The following NAV3 variants were observed in gnomAD, a reference collection of about 807,000 sequenced individuals.
NAV3 encodes pore membrane and/or filament interacting like protein 1.
Under a neutral mutation model 244.7 loss-of-function variants are expected in NAV3, and 87 were observed. The observed-to-expected ratio is 0.36, with a 90% CI of 0.30 to 0.42. The LOEUF is 0.42. Among genes scored for constraint, NAV3 ranks in the 20% least tolerant of loss-of-function variants. NAV3 has a pLI of 1.00. For missense variants in NAV3, 2,663 were observed against 2,893.3 expected, an observed-to-expected ratio of 0.92 and a Z score of 1.83; for synonymous variants, 1,126 against 1,042.2, an observed-to-expected ratio of 1.08 and a Z score of -1.55.
chr12:78,145,709 T>C (rs1956837242), intron 20 of NAV3, among the ~76,000 whole-genome samples: 1 of 152,190 alleles, frequency 6.6e-6, no homozygotes, highest in African/African-American at 2.4e-5. Flanking sequence ...ATAAGCTGCA[T>C]AGCCAAAAAT....
intron 2 of NAV3, among the ~76,000 whole-genome samples, chr12:77,624,299 A>G (rs1485991852): frequency 6.6e-6 from 1 of 152,202 alleles, no homozygotes; most frequent in East Asian, 1.9e-4. Flanking sequence ...TGTGAGAAAC[A>G]GTAGGGGATG....
chr12:77,739,522 ACT>A (rs1868289481), intron 2 of NAV3, among the ~76,000 whole-genome samples: 1 of 152,140 alleles, frequency 6.6e-6, no homozygotes, highest in African/African-American at 2.4e-5. Flanking sequence ...ACATTCATTG[ACT>A]CTGACTGAAC....
chr12:77,790,035 G>A (rs1312422622), intron 2 of NAV3, among the ~76,000 whole-genome samples: 2 of 152,144 alleles, frequency 1.3e-5, no homozygotes, highest in Admixed American at 6.5e-5. Context: ...CTTTTGAGAC[G>A]TGGCAAGTCT....
chr12:77,702,330 C>A (rs145749412), intron 2 of NAV3, among the ~76,000 whole-genome samples: 1 of 151,900 alleles, frequency 6.6e-6, no homozygotes, highest in Non-Finnish European at 1.5e-5. Context: ...TTATTCTCTA[C>A]CTTTCTGTCC....
rs869041498 is a variant in NAV3, at chr12:77,976,674, C to CTT, written c.671+7989_671+7990dup. On this transcript the variant is annotated intron_variant, in intron 5 of 39. Coordinates refer to ENST00000397909, the MANE Select transcript of NAV3 (RefSeq NM_001024383.2). Reference sequence around the variant, plus strand: ...TCTTTCTTTCTTTCTTTCTTTTTTTCTTTTTTTTTTTTTTTTTTGAGACGG... The same window carrying CTT: ...TCTTTCTTTCTTTCTTTCTTTTTTTCTTTTTTTTTTTTTTTTTTTTGAGACGG... Among the ~76,000 whole-genome samples, 170 of 83,426 alleles carry CTT rather than the reference C, an allele frequency of 2.0e-3. 7 individuals are homozygous for CTT. Among genetic ancestry groups the CTT allele is most frequent in the South Asian group, 3.9e-3 (8 of 2,064 alleles). The allele number at this position is 83,426 out of a possible 152,430, so 54.7% of individuals were successfully genotyped here.
At chr12:77,580,409 C>G (rs1869308728) in intron 2 of NAV3, among the ~76,000 whole-genome samples, 1 of 152,140 alleles carries the variant, frequency 6.6e-6, no homozygotes, top group Non-Finnish European at 1.5e-5. Context: ...TCTGCTGGTT[C>G]CCTGGAGAGA....
Position 78,059,208 on chromosome 12 carries a change from C to A in NAV3, c.2636+93C>A, listed in dbSNP as rs892993333. Reference sequence around the variant, plus strand: ...AAAACTCCTATTAAACAGTGTAAATCAAAGGACTTTTTATTTTGATAAATA... The same window carrying A: ...AAAACTCCTATTAAACAGTGTAAATAAAAGGACTTTTTATTTTGATAAATA... On this transcript the variant is annotated intron_variant, in intron 12 of 39. Transcript: ENST00000397909. 7 of 1,101,108 alleles carry A rather than the reference C, an allele frequency of 6.4e-6. No individual in the cohort carries two copies. In the African/African-American group the frequency reaches 8.4e-5, roughly 13 times the overall value. 68.2% of individuals were successfully genotyped at this position (1,101,108 alleles called of 1,614,324 possible). A position where few individuals can be genotyped will look rare whatever the true frequency, so the allele number is the denominator to read the frequency against.
intron 17 of NAV3, among the ~76,000 whole-genome samples, chr12:78,128,241 G>T (rs1034346677): frequency 1.4e-4 from 20 of 145,162 alleles, no homozygotes; most frequent in African/African-American, 4.1e-4. Flanking sequence ...TCAAGTGGCA[G>T]TTTAACAAAA....
Position 78,175,312 on chromosome 12 carries a change from G to A in NAV3, c.4988G>A (p.Arg1663His), listed in dbSNP as rs368252063. Residue 1663 changes from arginine to histidine, a missense_variant, in exon 25 of 40, where the codon CGC becomes CAC. Coordinates refer to ENST00000397909, the MANE Select transcript of NAV3 (RefSeq NM_001024383.2). ...NGPDHPPKDL[R>H]IRRQHSSESV... ...ACTCTCCCTCTATTGCTAGATCTTC[G>A]CATCAGAAGACAGCATTCCTCTGAA... is the stretch of plus-strand genomic sequence containing the variant. The A allele has an allele frequency of 2.8e-5, 45 of 1,610,288 alleles. No homozygotes were observed. Among genetic ancestry groups the A allele is most frequent in the South Asian group, 1.1e-4 (10 of 90,960 alleles).
At chr12:77,616,697 AC>A (rs1871155469) in intron 2 of NAV3, among the ~76,000 whole-genome samples, 1 of 151,742 alleles carries the variant, frequency 6.6e-6, no homozygotes, top group Admixed American at 6.6e-5. Context: ...ACATGCACAC[AC>A]AAAACCTGCT....
At chr12:78,200,653 T>G in intron 38 of NAV3, 62 bp downstream of exon 38, 3 of 984,970 alleles carry the variant, frequency 3.0e-6, no homozygotes, top group Non-Finnish European at 4.3e-6. Context: ...AAAATTACTT[T>G]AAAAGCAAAA....
At chr12:77,702,825 G>C (rs1218952892) in intron 2 of NAV3, among the ~76,000 whole-genome samples, 1 of 51,344 alleles carries the variant, frequency 1.9e-5, no homozygotes, top group African/African-American at 4.0e-5. Flanking sequence ...AAGAAAAATA[G>C]ATAGTATTTT....
intron 1 of NAV3, among the ~76,000 whole-genome samples, chr12:77,851,335 C>T (rs546679467): frequency 6.6e-6 from 1 of 152,116 alleles, no homozygotes; most frequent in African/African-American, 2.4e-5. Context: ...CTATTTGAAC[C>T]TTTATTTACC....
At position 77,691,333 on chromosome 12, in the gene NAV3, G is replaced by GTACATATATA. The variant is rs1214933751; in HGVS notation, c.72+119068_72+119069insACATATATAT. 3.1e-3 allele frequency among the ~76,000 whole-genome samples: 317 copies of GTACATATATA among 100,924 alleles called. 8 individuals carry two copies. Among genetic ancestry groups the GTACATATATA allele is most frequent in the Middle Eastern group, 0.015 (2 of 136 alleles). The allele number at this position is 100,924 out of a possible 152,430, so 66.2% of individuals were successfully genotyped here. A position where few individuals can be genotyped will look rare whatever the true frequency, so the allele number is the denominator to read the frequency against. ...TAGTCATATATAAGTATTTGTGTATGTGTGTATATATATATATATATACAT... is the reference window on the plus strand; with the variant it reads ...TAGTCATATATAAGTATTTGTGTATGTACATATATATGTGTATATATATATATATATACAT... On this transcript the variant is annotated intron_variant, in intron 2 of 8. Coordinates refer to the NAV3 transcript ENST00000550042.
intron 2 of NAV3, among the ~76,000 whole-genome samples, chr12:77,786,540 G>A (rs1870912730): frequency 6.6e-6 from 1 of 151,908 alleles, no homozygotes; most frequent in Non-Finnish European, 1.5e-5. Flanking sequence ...TTGTTCATTT[G>A]GGCAGCATGT....
At chr12:77,572,501 C>G (rs956573443) in intron 2 of NAV3, among the ~76,000 whole-genome samples, 1 of 152,108 alleles carries the variant, frequency 6.6e-6, no homozygotes, top group African/African-American at 2.4e-5. Flanking sequence ...ACTGTGTTCT[C>G]TCACTCTTGA....
intron 24 of NAV3, among the ~76,000 whole-genome samples, 166 bp from the exon 25 acceptor site, chr12:78,175,140 A>G (rs1229211904): frequency 6.6e-6 from 1 of 152,004 alleles, no homozygotes; most frequent in African/African-American, 2.4e-5. Context: ...TAAAACAAAT[A>G]TGGTTGTACT....
chr12:77,774,036 G>A, intron 2 of NAV3, among the ~76,000 whole-genome samples: 1 of 152,042 alleles, frequency 6.6e-6, no homozygotes, highest in East Asian at 1.9e-4. Context: ...AATTACACAA[G>A]CTAAGAATGA....
At chr12:77,977,739 C>A (rs1003739059) in intron 5 of NAV3, among the ~76,000 whole-genome samples, 6 of 151,620 alleles carry the variant, frequency 4.0e-5, no homozygotes, top group African/African-American at 1.2e-4. Context: ...CACACACACA[C>A]ACTCTCTTCA....
Sources: gnomAD v4.1 joint callset for allele counts (sites outside exome capture counted in the v4.1 genomes callset) on GRCh38, gnomAD v4.1.1 for gene constraint, MANE v1.5 for transcripts, NCBI Gene and HGNC (gene_info 2026-07-23, HGNC 2026-07-21) for gene names.